Variants in VWA3A observed in about 807,000 individuals in gnomAD.
VWA3A encodes the protein von Willebrand factor A domain containing 3A, also known as von Willebrand factor A domain-containing protein 3A.
Under a neutral mutation model 160.4 loss-of-function variants are expected in VWA3A, and 134 were observed. The ratio of observed to expected loss-of-function variants is 0.84; its 90% confidence interval spans 0.73 to 0.96. The LOEUF is 0.96. Ranked by LOEUF, VWA3A falls within the 40% of genes least tolerant of loss-of-function variation. VWA3A has a pLI of 0.00. For missense variants in VWA3A, 1,310 were observed against 1,447.9 expected (o/e 0.90, Z 1.55); for synonymous variants, 476 against 543.4 (o/e 0.88, Z 1.72).
rs569689040 is a variant in VWA3A at position 22,112,751 on chromosome 16, T to C, written c.689+1757T>C. On this transcript the variant is annotated intron_variant, in intron 8 of 33. Coordinates refer to ENST00000389398, the MANE Select transcript of VWA3A (RefSeq NM_173615.5). Reference sequence around the variant, plus strand: ...AAGTAAAAAGTTAAAAAAAAAAGCATGTGCTTAGATTTCTAGGACGGAGGC... The same window carrying C: ...AAGTAAAAAGTTAAAAAAAAAAGCACGTGCTTAGATTTCTAGGACGGAGGC... Among the ~76,000 whole-genome samples the C allele has an allele frequency of 4.0e-5, 6 of 151,688 alleles. No homozygotes were observed. The South Asian group carries it at 1.0e-3, about 27-fold the overall frequency.
At chr16:22,093,939 A>AT (rs11400675) in intron 1 of VWA3A, among the ~76,000 whole-genome samples, 44,772 of 140,980 alleles carry the variant, frequency 0.32, 11,845 homozygotes, top group African/African-American at 0.72. Flanking sequence ...TAATTTTTGT[A>AT]TTTTTTTTTT....
chr16:22,120,998 A>G lies in VWA3A; in HGVS notation c.1147A>G (p.Ile383Val). ...ISTEITNGPL[I>V]SLLPKPPKHD... ...CACAGAGATTACAAATGGGCCACTC[A>G]TAAGCCTCTTGCCTAAACCCCCAAA... The change falls in exon 13 of 34, where the codon ATA becomes GTA. Residue 383 changes from isoleucine (I) to valine (V), a missense_variant. By Grantham distance (29) the Ile-to-Val change is conservative. Transcript: ENST00000389398. 1 of 1,613,996 alleles carries G rather than the reference A, an allele frequency of 6.2e-7. No homozygotes were observed.
intron 28 of VWA3A, 77 bp downstream of exon 28, chr16:22,148,383 T>C: frequency 2.0e-6 from 3 of 1,503,066 alleles, no homozygotes; most frequent in Non-Finnish European, 2.7e-6. Context: ...CCCCCTCTTC[T>C]CAGTGCCAAC....
At chr16:22,126,074 C>T in intron 16 of VWA3A, 104 bp from the exon 17 acceptor site, 1 of 1,504,036 alleles carries the variant, frequency 6.6e-7, no homozygotes, top group Non-Finnish European at 9.0e-7. Context: ...ATGAATTTGG[C>T]ATGCAAAATT....
intron 5 of VWA3A, among the ~76,000 whole-genome samples, chr16:22,101,937 C>T (rs1281604732): frequency 6.6e-6 from 1 of 152,308 alleles, no homozygotes; most frequent in African/African-American, 2.4e-5. Flanking sequence ...TGGATAGAAT[C>T]CTGTTGTTAC....
Position 22,138,422 on chromosome 16 carries a change from C to T in VWA3A, c.2202C>T (p.Leu734=). The T allele has an allele frequency of 6.2e-7, 1 of 1,612,458 alleles. No homozygotes were observed. Among genetic ancestry groups the T allele is most frequent in the Non-Finnish European group, 8.5e-7 (1 of 1,179,370 alleles). The part of the protein sequence containing the change: ...HSGKVLGSSA[L]PKEKPKTLQL... The stretch of plus-strand genomic sequence containing the variant: ...GAAAAGTACTGGGAAGTTCAGCCCT[C>T]CCGAAAGAAAAACCAAAGACACTTC... The change falls in exon 22 of 34, where the codon CTC becomes CTT. Residue 734 remains leucine (L), a synonymous_variant. Coordinates refer to ENST00000389398, the MANE Select transcript of VWA3A (RefSeq NM_173615.5).
Position 22,131,720 on chromosome 16 carries a change from C to A in VWA3A, c.1863C>A (p.Asp621Glu), listed in dbSNP as rs776767754. ...GIYLFTGGIPDQDMPTLSAYM... is the reference protein window; with the variant it reads ...GIYLFTGGIPEQDMPTLSAYM... ...ACCTCTTCACTGGGGGCATCCCCGA[C>A]CAGGACATGGTGGGTAGGCCACGTC... is the stretch of plus-strand genomic sequence containing the variant. Residue 621 changes from aspartate (D) to glutamate (E), a missense_variant, in exon 19 of 34, where the codon GAC becomes GAA. Transcript: ENST00000389398. 3.7e-6 allele frequency: 6 copies of A among 1,613,382 alleles called. No homozygotes were observed. In the Admixed American group the frequency reaches 8.3e-5, roughly 22 times the overall value.
rs537510830 is a variant in VWA3A at position 22,137,331 on chromosome 16, C to T, written c.2140-1029C>T. Among the ~76,000 whole-genome samples, 8 of 152,256 alleles carry T rather than the reference C, an allele frequency of 5.3e-5. No homozygotes were observed. In the South Asian group the frequency reaches 1.5e-3, roughly 28 times the overall value. ...TAGGCAAAAGGCATTGAGTATTACA[C>T]CATTAGTCTGCCAGCATCTGGAATC... On this transcript the variant is annotated intron_variant, in intron 21 of 33. Transcript: ENST00000389398.
intron 6 of VWA3A, among the ~76,000 whole-genome samples, chr16:22,105,613 A>G (rs572161359): frequency 1.5e-4 from 23 of 152,268 alleles, no homozygotes; most frequent in African/African-American, 5.5e-4. Context: ...CTGGTATTTC[A>G]CTTTTATGTC....
Position 22,114,713 on chromosome 16 carries a change from A to C in VWA3A, c.690-634A>C, listed in dbSNP as rs551661762. On this transcript the variant is annotated intron_variant, in intron 8 of 33. Coordinates refer to ENST00000389398, the MANE Select transcript of VWA3A (RefSeq NM_173615.5). Reference sequence around the variant, plus strand: ...TGCAGGGGCTCACACCTGTAATCCCAGCTGTCTGGGAGGCTAGGGAGGGGG... The same window carrying C: ...TGCAGGGGCTCACACCTGTAATCCCCGCTGTCTGGGAGGCTAGGGAGGGGG... Among the ~76,000 whole-genome samples the C allele has an allele frequency of 5.1e-4, 78 of 152,218 alleles. 2 individuals carry two copies. The South Asian group carries it at 0.016, about 30-fold the overall frequency.
Position 22,146,331 on chromosome 16 carries a change from G to A in VWA3A, c.2826G>A (p.Gln942=). The change falls in exon 27 of 34, where the codon CAG becomes CAA. Residue 942 remains glutamine, a synonymous_variant. Transcript: ENST00000389398. Reference sequence around the variant, plus strand: ...TAAGGCGCTATGTCCAGAGGCTGCAGTGGCTGCTGTCCGGTGAGCCTGCCC... The same window carrying A: ...TAAGGCGCTATGTCCAGAGGCTGCAATGGCTGCTGTCCGGTGAGCCTGCCC... ...KVLRRYVQRL[Q]WLLSGSRRLF... The A allele has an allele frequency of 6.2e-7, 1 of 1,613,224 alleles. No individual in the cohort carries two copies. Among genetic ancestry groups the A allele is most frequent in the Non-Finnish European group, 8.5e-7 (1 of 1,179,454 alleles).
intron 1 of VWA3A, among the ~76,000 whole-genome samples, chr16:22,095,711 C>A (rs1010956437): frequency 2.0e-5 from 3 of 151,896 alleles, no homozygotes; most frequent in Non-Finnish European, 4.4e-5. Flanking sequence ...GCACATACCA[C>A]CACACCTGGC....
intron 19 of VWA3A, 60 bp from the exon 20 acceptor site, chr16:22,132,840 G>A (rs2045971896): frequency 1.3e-6 from 2 of 1,545,746 alleles, no homozygotes; most frequent in Admixed American, 3.4e-5. Context: ...GGGCTGCCCA[G>A]AGCCCCACAG....
At chr16:22,096,183 G>T (rs1598040451) in intron 1 of VWA3A, among the ~76,000 whole-genome samples, 1 of 152,248 alleles carries the variant, frequency 6.6e-6, no homozygotes, top group East Asian at 1.9e-4. Context: ...GAATGATCCG[G>T]TCCAAGAGTC....
intron 6 of VWA3A, among the ~76,000 whole-genome samples, chr16:22,108,987 A>G (rs1888053267): frequency 6.6e-6 from 1 of 152,210 alleles, no homozygotes; most frequent in South Asian, 2.1e-4. Flanking sequence ...AACCTGGACA[A>G]TATAGCAATA....
intron 6 of VWA3A, among the ~76,000 whole-genome samples, chr16:22,108,275 G>T (rs953746184): frequency 7.2e-5 from 11 of 152,168 alleles, no homozygotes; most frequent in Non-Finnish European, 1.5e-4. Flanking sequence ...CTGTTTGTAT[G>T]GTGATGGAAA....
chr16:22,134,507 C>A, intron 21 of VWA3A, 69 bp downstream of exon 21: 2 of 1,353,466 alleles, frequency 1.5e-6, no homozygotes, highest in Non-Finnish European at 1.0e-6. Context: ...ACCATAACTG[C>A]CACAAACTGG....
At chr16:22,121,725 T>C (rs1453553104) in intron 14 of VWA3A, 108 bp downstream of exon 14, 2 of 860,802 alleles carry the variant, frequency 2.3e-6, no homozygotes, top group Non-Finnish European at 3.7e-6. Context: ...GATTCAGGCT[T>C]CCCACCCAGG....
chr16:22,145,579 A>G (rs1280550345), intron 26 of VWA3A, among the ~76,000 whole-genome samples: 1 of 151,562 alleles, frequency 6.6e-6, no homozygotes, highest in Non-Finnish European at 1.5e-5. Context: ...GCAGAGGCTG[A>G]AGTGAGCCGA....
Sources: gnomAD v4.1 joint callset for allele counts (sites outside exome capture counted in the v4.1 genomes callset) on GRCh38, gnomAD v4.1.1 for gene constraint, MANE v1.5 for transcripts, NCBI Gene and HGNC (gene_info 2026-07-23, HGNC 2026-07-21) for gene names.